Variants in HAVCR1 observed in about 807,000 individuals in gnomAD.
The protein encoded by HAVCR1 is hepatitis A virus cellular receptor 1, also known as T cell immunoglobin domain and mucin domain protein 1.
HAVCR1 carries 34 observed loss-of-function variants against 32.0 expected under a neutral mutation model. That is an observed-to-expected ratio of 1.06 (90% CI 0.81 to 1.42). The LOEUF is 1.42. HAVCR1 is among the 40% of genes most tolerant of loss of function. HAVCR1 has a pLI of 0.00. For missense variants in HAVCR1, 420 were observed against 442.3 expected (o/e 0.95, Z 0.45); for synonymous variants, 178 against 170.3 (o/e 1.05, Z -0.35).
At chr5:157,030,071 A>T (rs1437051458) in intron 8 of HAVCR1, among the ~76,000 whole-genome samples, 1 of 152,158 alleles carries the variant, frequency 6.6e-6, no homozygotes, top group Non-Finnish European at 1.5e-5. Flanking sequence ...ACAATCTAAG[A>T]AGTATTCAAA....
Position 157,052,576 on chromosome 5 carries a change from G to A in HAVCR1, c.458C>T (p.Thr153Ile). The change falls in exon 4 of 9, where the codon ACA becomes ATA. Residue 153 changes from threonine (T) to isoleucine (I), a missense_variant. By Grantham distance (89) the Thr-to-Ile change is moderately conservative (BLOSUM62 -1). Coordinates refer to ENST00000523175, the MANE Select transcript of HAVCR1 (RefSeq NM_001173393.3). The part of the protein sequence containing the change: ...TVRTSTTVPT[T>I]TTVPMTTVPT... ...AACAGTCGTCATTGGAACAGTCGTT[G>A]TCGTTGGAACAGTGGTGCTCGTTCG... 2 of 1,610,966 alleles carry A rather than the reference G, an allele frequency of 1.2e-6. No individual in the cohort carries two copies. Among genetic ancestry groups the A allele is most frequent in the Non-Finnish European group, 8.5e-7 (1 of 1,177,670 alleles).
At position 157,029,515 on chromosome 5, in the gene HAVCR1, G is replaced by GT. The variant is rs1754037912; in HGVS notation, c.*217dup. On this transcript the variant is annotated 3_prime_UTR_variant, in exon 9 of 9. Transcript: ENST00000523175. ...TGCAATGATCAGAAGGATTGAGCCA[G>GT]TTTTAGCATAAAAAATTAGGACTAC... 1 of 1,154,018 alleles carries GT rather than the reference G, an allele frequency of 8.7e-7. No individual in the cohort carries two copies. The highest frequency in any genetic ancestry group is 1.2e-6 in the Non-Finnish European group (1 of 804,716). 71.5% of individuals were successfully genotyped at this position (1,154,018 alleles called of 1,614,324 possible).
At chr5:157,068,655 AT>A in the HAVCR1 span, among the ~76,000 whole-genome samples, 10 of 147,834 alleles carry the variant, frequency 6.8e-5, no homozygotes, top group Admixed American at 1.4e-4. Context: ...TTTTTTTTAC[AT>A]TTTTTTTTTT....
chr5:157,044,609 A>AAG (rs57400871), intron 5 of HAVCR1, among the ~76,000 whole-genome samples: 13,420 of 82,954 alleles, frequency 0.16, 2,297 homozygotes, highest in East Asian at 0.48. Flanking sequence ...GAAAGAAAGA[A>AAG]AGAAAGAGAA....
chr5:157,066,007 G>T, the HAVCR1 span, among the ~76,000 whole-genome samples: 1 of 141,756 alleles, frequency 7.1e-6, no homozygotes, highest in Non-Finnish European at 1.5e-5. Flanking sequence ...AGTGAGCCGA[G>T]ATCGCACCAC....
At chr5:157,057,809 C>A in intron 2 of HAVCR1, 89 bp downstream of exon 2, 2 of 916,818 alleles carry the variant, frequency 2.2e-6, no homozygotes, top group Non-Finnish European at 3.6e-6. Flanking sequence ...AATCCACCAC[C>A]ACCATCCCCT....
At chr5:157,064,339 C>CAAAA in the HAVCR1 span, among the ~76,000 whole-genome samples, 31 of 63,392 alleles carry the variant, frequency 4.9e-4, 1 homozygote, top group African/African-American at 1.2e-3. Context: ...CCTGTCTCTA[C>CAAAA]AAAAAAAAAA....
In HAVCR1 at chr5:157,029,491, G is replaced by T; in HGVS notation, c.*242C>A. 2 of 849,242 alleles carry T rather than the reference G, an allele frequency of 2.4e-6. No homozygotes were observed. The highest frequency in any genetic ancestry group is 2.5e-4 in the Middle Eastern group (1 of 3,994). The allele number at this position is 849,242 out of a possible 1,614,324, so 52.6% of individuals were successfully genotyped here. On this transcript the variant is annotated 3_prime_UTR_variant, in exon 9 of 9. Transcript: ENST00000523175. ...AAGTGTTCATATTTGAGAGAAAACT[G>T]CAATGATCAGAAGGATTGAGCCAGT...
intron 5 of HAVCR1, 47 bp from the exon 6 acceptor site, chr5:157,042,729 A>C (rs778616519): frequency 2.9e-5 from 33 of 1,119,310 alleles, no homozygotes; most frequent in African/African-American, 2.0e-4. Flanking sequence ...AAAATATTGA[A>C]TTTTCACTGC....
chr5:157,051,012 T>A (rs10780113), intron 4 of HAVCR1, among the ~76,000 whole-genome samples: 75,187 of 152,014 alleles, frequency 0.49, 18,777 homozygotes, highest in Middle Eastern at 0.7. Flanking sequence ...AATGGATTTC[T>A]GAGGGCTTTG....
chr5:157,060,295 C>A (rs1442687141), upstream of HAVCR1, among the ~76,000 whole-genome samples: 1 of 152,004 alleles, frequency 6.6e-6, no homozygotes, highest in Non-Finnish European at 1.5e-5. Context: ...TGGCCCTGAC[C>A]TACCCCATAG....
chr5:157,045,204 G>T (rs181668858), intron 5 of HAVCR1, among the ~76,000 whole-genome samples: 98 of 148,352 alleles, frequency 6.6e-4, no homozygotes, highest in African/African-American at 2.3e-3. Context: ...AAAGCTATGG[G>T]AATTTAGTCT....
At chr5:157,052,305 AT>A in intron 4 of HAVCR1, 55 bp downstream of exon 4, 1 of 1,466,370 alleles carries the variant, frequency 6.8e-7, no homozygotes, top group Non-Finnish European at 9.5e-7. Flanking sequence ...AATGCCCTGG[AT>A]GGTCCGCAGC....
At chr5:157,057,415 GAAAGAAAGAAAGAAAGAAAGA>G in intron 2 of HAVCR1, among the ~76,000 whole-genome samples, 1 of 130,906 alleles carries the variant, frequency 7.6e-6, no homozygotes, top group African/African-American at 2.8e-5. Context: ...AAGAAAGAAA[GAAAGAAAGAAAGAAAGAAAGA>G]AAGAAAGAAA....
Position 157,046,914 on chromosome 5 carries a change from T to C in HAVCR1, c.781+2124A>G, listed in dbSNP as rs140636423. Among the ~76,000 whole-genome samples, 384 of 152,298 alleles carry C rather than the reference T, an allele frequency of 2.5e-3. 3 individuals are homozygous for C. Among genetic ancestry groups the C allele is most frequent in the African/African-American group, 8.1e-3 (337 of 41,568 alleles). ...CTCCGAAGGCCCCAGCTCTTAATAC[T>C]TGCATTGGGAATTAGCTATCAACAT... On this transcript the variant is annotated intron_variant, in intron 5 of 8. Coordinates refer to ENST00000523175, the MANE Select transcript of HAVCR1 (RefSeq NM_001173393.3).
chr5:157,060,461 G>A (rs12516270), upstream of HAVCR1, among the ~76,000 whole-genome samples: 22,024 of 151,730 alleles, frequency 0.15, 1,870 homozygotes, highest in Admixed American at 0.23. Context: ...TTTTTATCCC[G>A]GCTTAAATAT....
At position 157,032,802 on chromosome 5, in the gene HAVCR1, T is replaced by G. The variant is rs74607260; in HGVS notation, c.986+52A>C. 9.6e-4 allele frequency: 1,033 copies of G among 1,074,810 alleles called. 7 individuals are homozygous for G. The African/African-American group carries it at 0.013, about 14-fold the overall frequency. The allele number at this position is 1,074,810 out of a possible 1,614,324, so 66.6% of individuals were successfully genotyped here. A position where few individuals can be genotyped will look rare whatever the true frequency, so the allele number is the denominator to read the frequency against. On this transcript the variant is annotated intron_variant, in intron 8 of 8. Coordinates refer to ENST00000523175, the MANE Select transcript of HAVCR1 (RefSeq NM_001173393.3). ...GAGAGAGACAGAAATCTATTTTTAT[T>G]TTACCAGAGTAGGAACCTCAAAAGT...
At chr5:157,059,172 A>G (rs1756404795), upstream of HAVCR1, 1 of 152,276 alleles carries the variant, frequency 6.6e-6, no homozygotes, top group Non-Finnish European at 1.5e-5. Context: ...AAGCACCCAC[A>G]TGCGTTAAAT....
intron 6 of HAVCR1, 89 bp downstream of exon 6, chr5:157,042,538 G>A (rs1420784744): frequency 2.7e-6 from 2 of 745,590 alleles, no homozygotes; most frequent in African/African-American, 1.8e-5. Context: ...CTGTGGGCTA[G>A]TCTTACAGAC....
Sources: gnomAD v4.1 joint callset for allele counts (sites outside exome capture counted in the v4.1 genomes callset) on GRCh38, gnomAD v4.1.1 for gene constraint, MANE v1.5 for transcripts, NCBI Gene and HGNC (gene_info 2026-07-23, HGNC 2026-07-21) for gene names.